FBXW11: variants seen among roughly 807,000 people sequenced by gnomAD.
FBXW11 encodes F-box and WD repeat domain containing 11.
Under a neutral mutation model 77.6 loss-of-function variants are expected in FBXW11, and 19 were observed. The observed-to-expected ratio is 0.24, with a 90% confidence interval of 0.17 to 0.36. The LOEUF (loss-of-function observed/expected upper bound fraction) is 0.36. Among genes scored for constraint, FBXW11 ranks in the 10% least tolerant of loss-of-function variants. The probability of loss-of-function intolerance (pLI) is 1.00; values close to 1 mark genes in which losing one functional copy is unlikely to be tolerated. For synonymous variants in FBXW11, 235 were observed against 249.4 expected (o/e 0.94, Z 0.54); for missense variants, 334 against 704.2 (o/e 0.47, Z 5.95).
chr5:171,962,298 T>C (rs1359034443), intron 1 of FBXW11, among the ~76,000 whole-genome samples: 3 of 152,182 alleles, frequency 2.0e-5, no homozygotes, highest in Non-Finnish European at 4.4e-5. Flanking sequence ...AGGAGGATCA[T>C]AGTGGGGATA....
Position 171,869,011 on chromosome 5 carries a change from A to C in FBXW11, c.1531-215T>G, listed in dbSNP as rs540869040. ...TCTTTCATTAAACTTTGTATCTTAG[A>C]CTCTAGTCTACCAATATTTCAAAGA... On this transcript the variant is annotated intron_variant, in intron 12 of 13. Transcript: ENST00000517395. The surrounding 1 kb of genome is among the most constrained non-coding windows in gnomAD (Gnocchi z 4.1). Among the ~76,000 whole-genome samples, 1 of 152,244 alleles carries C rather than the reference A, an allele frequency of 6.6e-6. No homozygotes were observed. The highest frequency in any genetic ancestry group is 1.5e-5 in the Non-Finnish European group (1 of 68,020).
At chr5:171,963,827 A>G (rs1281946075) in intron 1 of FBXW11, among the ~76,000 whole-genome samples, 1 of 152,214 alleles carries the variant, frequency 6.6e-6, no homozygotes, top group Non-Finnish European at 1.5e-5. Context: ...GCAAACGATA[A>G]AAGAAGTCTG....
chr5:171,944,524 C>T (rs1411782928), intron 2 of FBXW11, among the ~76,000 whole-genome samples: 1 of 125,634 alleles, frequency 8.0e-6, no homozygotes, highest in Non-Finnish European at 1.6e-5. Context: ...CTGCAGTGAG[C>T]GGAGATCGCG....
At chr5:171,882,399 T>C (rs1448618543) in intron 7 of FBXW11, among the ~76,000 whole-genome samples, 2 of 152,168 alleles carry the variant, frequency 1.3e-5, no homozygotes, top group Non-Finnish European at 2.9e-5. Flanking sequence ...CCTCCCGGGC[T>C]CAGGTGATCC....
At chr5:171,942,817 A>C (rs1419980248) in intron 2 of FBXW11, among the ~76,000 whole-genome samples, 1 of 152,098 alleles carries the variant, frequency 6.6e-6, no homozygotes, top group African/African-American at 2.4e-5. Context: ...TTAATTAATT[A>C]ATCAATTAAA....
At chr5:171,939,943 T>C (rs1762665480) in intron 2 of FBXW11, among the ~76,000 whole-genome samples, 1 of 152,184 alleles carries the variant, frequency 6.6e-6, no homozygotes, top group African/African-American at 2.4e-5. Flanking sequence ...TCCTCTCATA[T>C]ACTTTAAATC....
chr5:171,882,931 GC>G (rs1462999774), intron 7 of FBXW11, among the ~76,000 whole-genome samples: 8 of 145,644 alleles, frequency 5.5e-5, no homozygotes, highest in Admixed American at 1.4e-4. Context: ...TCTATCCCTT[GC>G]CCCCCTCCCA....
chr5:171,888,177 T>TA (rs956380904), intron 7 of FBXW11, among the ~76,000 whole-genome samples: 29 of 152,042 alleles, frequency 1.9e-4, no homozygotes, highest in Admixed American at 1.0e-3. Flanking sequence ...ATGGAAAAGA[T>TA]AAAAAAATTC....
At chr5:171,925,264 A>G (rs1761829866) in intron 2 of FBXW11, among the ~76,000 whole-genome samples, 1 of 152,220 alleles carries the variant, frequency 6.6e-6, no homozygotes, top group Non-Finnish European at 1.5e-5. Context: ...AGGTTAGCAG[A>G]GTATAATAAA....
At chr5:171,905,589 A>ACCT (rs1561669327) in intron 4 of FBXW11, among the ~76,000 whole-genome samples, 1 of 111,150 alleles carries the variant, frequency 9.0e-6, no homozygotes, top group African/African-American at 3.1e-5. Context: ...CAAAAAGCTA[A>ACCT]CCCCCCCCCC....
intron 2 of FBXW11, among the ~76,000 whole-genome samples, chr5:171,931,046 T>TATTCC (rs1401187486): frequency 3.9e-5 from 6 of 152,144 alleles, no homozygotes; most frequent in African/African-American, 1.4e-4. Context: ...AATGAAGAGA[T>TATTCC]ATTCCATGTT....
At chr5:171,917,976 A>G in intron 2 of FBXW11, among the ~76,000 whole-genome samples, 1 of 152,108 alleles carries the variant, frequency 6.6e-6, no homozygotes, top group East Asian at 1.9e-4. Flanking sequence ...TTTTATAATA[A>G]TATCTATTAA....
chr5:171,963,832 A>G (rs1217014973), intron 1 of FBXW11, among the ~76,000 whole-genome samples: 1 of 152,236 alleles, frequency 6.6e-6, no homozygotes, highest in Non-Finnish European at 1.5e-5. Flanking sequence ...CGATAAAAGA[A>G]GTCTGCTCAA....
At chr5:171,947,468 G>T (rs1763071565) in intron 2 of FBXW11, among the ~76,000 whole-genome samples, 1 of 151,962 alleles carries the variant, frequency 6.6e-6, no homozygotes, top group South Asian at 2.1e-4. Flanking sequence ...CAAGGCCAAA[G>T]CGGGCAGACC....
chr5:171,948,492 C>A (rs1223944590), intron 2 of FBXW11, among the ~76,000 whole-genome samples: 1 of 151,852 alleles, frequency 6.6e-6, no homozygotes, highest in African/African-American at 2.4e-5. Context: ...AATCTCAGCA[C>A]TTTGGGAGGT....
intron 7 of FBXW11, among the ~76,000 whole-genome samples, chr5:171,880,758 G>A (rs183090786): frequency 3.9e-5 from 6 of 152,230 alleles, no homozygotes; most frequent in South Asian, 2.1e-4. Flanking sequence ...GTGCAATGGC[G>A]CGATCTCGGC....
intron 2 of FBXW11, among the ~76,000 whole-genome samples, chr5:171,933,478 T>A (rs1196223094): frequency 2.6e-5 from 4 of 152,124 alleles, no homozygotes; most frequent in African/African-American, 9.7e-5. Context: ...CAAGAATAAA[T>A]CCTAATATAA....
chr5:171,910,900 C>T (rs988458287), intron 3 of FBXW11, 103 bp from the exon 4 acceptor site: 13 of 759,680 alleles, frequency 1.7e-5, no homozygotes, highest in Middle Eastern at 3.0e-4. Flanking sequence ...TCTTAAAATG[C>T]CACTTTTACC....
At chr5:171,964,190 G>A (rs1005254056) in intron 1 of FBXW11, among the ~76,000 whole-genome samples, 2 of 152,154 alleles carry the variant, frequency 1.3e-5, no homozygotes, top group East Asian at 3.8e-4. Context: ...ACAAGAACCA[G>A]CACTTACCAA....
Sources: gnomAD v4.1 joint callset for allele counts (sites outside exome capture counted in the v4.1 genomes callset) on GRCh38, gnomAD v4.1.1 for gene constraint, Gnocchi (gnomAD v3.1) non-coding constraint, MANE v1.5 for transcripts, NCBI Gene and HGNC (gene_info 2026-07-23, HGNC 2026-07-21) for gene names.